Variants in POLK observed in about 807,000 individuals in gnomAD.
POLK encodes DNA polymerase kappa.
In POLK, 76 loss-of-function variants were observed where a neutral mutation model predicts 94.0. That is an observed-to-expected ratio of 0.81 (90% CI 0.67 to 0.98). The LOEUF is 0.98. POLK is among the 50% of genes least tolerant of loss of function. The pLI is 0.00. For missense variants in POLK, 954 were observed against 1,010.1 expected, an observed-to-expected ratio of 0.94 and a Z score of 0.75; for synonymous variants, 349 against 325.4, an observed-to-expected ratio of 1.07 and a Z score of -0.78.
chr5:75,523,289 T>C (rs993239824), intron 1 of POLK, among the ~76,000 whole-genome samples: 11 of 152,218 alleles, frequency 7.2e-5, no homozygotes, highest in African/African-American at 2.4e-4. Flanking sequence ...ACCTAAAGTA[T>C]TAAAATCATT....
intron 1 of POLK, among the ~76,000 whole-genome samples, chr5:75,520,391 A>T (rs535299725): frequency 6.6e-6 from 1 of 152,078 alleles, no homozygotes; most frequent in Non-Finnish European, 1.5e-5. Flanking sequence ...AGAGGATTTT[A>T]TTTATTTTAT....
At chr5:75,559,513 G>T (rs190974413) in intron 3 of POLK, among the ~76,000 whole-genome samples, 5,461 of 67,846 alleles carry the variant, frequency 0.08, 225 homozygotes, top group South Asian at 0.16. Flanking sequence ...TTGTTTTTTT[G>T]TTTTGTTTTG....
chr5:75,562,793 T>C (rs1278346745), intron 3 of POLK, among the ~76,000 whole-genome samples: 1 of 152,232 alleles, frequency 6.6e-6, no homozygotes, highest in South Asian at 2.1e-4. Flanking sequence ...ATTGGTTCTG[T>C]TTATGTGATG....
At chr5:75,588,100 A>G (rs1451943883) in intron 10 of POLK, among the ~76,000 whole-genome samples, 2 of 152,194 alleles carry the variant, frequency 1.3e-5, no homozygotes, top group African/African-American at 4.8e-5. Flanking sequence ...AGAGAGAGAA[A>G]AAAAAAATCC....
At chr5:75,525,982 A>G (rs144279593) in intron 1 of POLK, among the ~76,000 whole-genome samples, 18 of 152,328 alleles carry the variant, frequency 1.2e-4, no homozygotes, top group African/African-American at 4.3e-4. Context: ...AGACACTTAA[A>G]TGAAATATCT....
At chr5:75,584,665 C>A in intron 8 of POLK, 95 bp from the exon 9 acceptor site, 1 of 710,268 alleles carries the variant, frequency 1.4e-6, no homozygotes, top group Non-Finnish European at 2.3e-6. Flanking sequence ...GAGCGAGACT[C>A]CATCTCAAAA....
chr5:75,597,879 A>G, intron 14 of POLK, 55 bp from the exon 15 acceptor site: 1 of 1,175,346 alleles, frequency 8.5e-7, no homozygotes, highest in Non-Finnish European at 1.2e-6. Context: ...TTAAAAATGA[A>G]TTATTTTCTA....
At chr5:75,572,739 T>G (rs1188073745) in intron 4 of POLK, among the ~76,000 whole-genome samples, 2 of 152,136 alleles carry the variant, frequency 1.3e-5, no homozygotes, top group Non-Finnish European at 2.9e-5. Flanking sequence ...CAAAATACCG[T>G]GACAGAATAA....
At chr5:75,588,566 ATG>A (rs1772591578) in intron 10 of POLK, among the ~76,000 whole-genome samples, 2 of 152,226 alleles carry the variant, frequency 1.3e-5, no homozygotes, top group Non-Finnish European at 2.9e-5. Flanking sequence ...GGAGTGAAAA[ATG>A]TGTAAACTTT....
intron 10 of POLK, among the ~76,000 whole-genome samples, chr5:75,589,190 G>A (rs1772622016): frequency 6.6e-6 from 1 of 151,862 alleles, no homozygotes; most frequent in Admixed American, 6.6e-5. Flanking sequence ...TAGAGAATTG[G>A]TTAAATTACC....
At chr5:75,541,180 A>C (rs936948370) in intron 1 of POLK, among the ~76,000 whole-genome samples, 1 of 152,010 alleles carries the variant, frequency 6.6e-6, no homozygotes, top group Admixed American at 6.6e-5. Flanking sequence ...CTGCCCAGCT[A>C]CTCGGGAGGC....
intron 11 of POLK, among the ~76,000 whole-genome samples, chr5:75,591,724 T>C (rs1772796304): frequency 6.6e-6 from 1 of 152,242 alleles, no homozygotes; most frequent in African/African-American, 2.4e-5. Flanking sequence ...AGTTTTTCCT[T>C]CTTTTTCATG....
chr5:75,532,707 G>A (rs112782052), intron 1 of POLK, among the ~76,000 whole-genome samples: 3 of 152,274 alleles, frequency 2.0e-5, no homozygotes, highest in African/African-American at 7.2e-5. Flanking sequence ...CCCACCAGTA[G>A]TGTATGAGTG....
chr5:75,511,249 C>A, upstream of POLK: 1 of 1,605,768 alleles, frequency 6.2e-7, no homozygotes, highest in Non-Finnish European at 8.5e-7. Flanking sequence ...CCCGCTCCCT[C>A]AGCTGCGCCG....
chr5:75,552,951 G>A (rs1770407695), intron 3 of POLK, among the ~76,000 whole-genome samples: 1 of 152,112 alleles, frequency 6.6e-6, no homozygotes, highest in Non-Finnish European at 1.5e-5. Flanking sequence ...CGGGATAAAT[G>A]TGGAATGTTT....
intron 10 of POLK, among the ~76,000 whole-genome samples, chr5:75,589,352 GTCT>G (rs542443826): frequency 1.4e-4 from 21 of 145,288 alleles, no homozygotes; most frequent in African/African-American, 5.4e-4. Flanking sequence ...AGAGGAAAAT[GTCT>G]TCTTGTTTGC....
At chr5:75,544,564 C>T (rs1769915211) in intron 1 of POLK, among the ~76,000 whole-genome samples, 1 of 152,106 alleles carries the variant, frequency 6.6e-6, no homozygotes, top group Non-Finnish European at 1.5e-5. Flanking sequence ...ATCGCTTGAA[C>T]CCAGGAGGCG....
chr5:75,582,076 A>G (rs1772222767), intron 7 of POLK: 1 of 983,474 alleles, frequency 1.0e-6, no homozygotes, highest in Non-Finnish European at 1.2e-6. Flanking sequence ...GGGAGACTTC[A>G]ATCCTGTCCA....
At chr5:75,570,786 C>A (rs1183166561) in intron 4 of POLK, among the ~76,000 whole-genome samples, 1 of 152,150 alleles carries the variant, frequency 6.6e-6, no homozygotes, top group East Asian at 1.9e-4. Context: ...GTTCCTAACT[C>A]CTTCCCATGC....
Sources: gnomAD v4.1 joint callset for allele counts (sites outside exome capture counted in the v4.1 genomes callset) on GRCh38, gnomAD v4.1.1 for gene constraint, MANE v1.5 for transcripts, NCBI Gene and HGNC (gene_info 2026-07-23, HGNC 2026-07-21) for gene names.